Variants in ASB5 observed in about 807,000 individuals in gnomAD.
ASB5 encodes the protein ankyrin repeat and SOCS box containing 5.
A neutral mutation model predicts 42.1 loss-of-function variants in ASB5; 45 were observed. That is an observed-to-expected ratio of 1.07 (90% CI 0.84 to 1.37). The LOEUF is 1.37. Among genes scored for constraint, ASB5 ranks in the 40% most tolerant of loss-of-function variants. The pLI is 0.00. For missense variants in ASB5, 402 were observed against 399.8 expected (o/e 1.01, Z -0.05); for synonymous variants, 147 against 150.6 (o/e 0.98, Z 0.18).
chr4:176,244,572 C>T (rs116833830), intron 1 of ASB5, among the ~76,000 whole-genome samples: 15 of 152,236 alleles, frequency 9.9e-5, no homozygotes, highest in African/African-American at 1.9e-4. Context: ...TTTTATCCTA[C>T]GACCAAGTGA....
intron 1 of ASB5, among the ~76,000 whole-genome samples, chr4:176,265,757 G>A (rs1357455067): frequency 6.6e-6 from 1 of 152,088 alleles, no homozygotes; most frequent in East Asian, 1.9e-4. Flanking sequence ...TTTCAGTGTA[G>A]CCTTGAAAGC....
intron 1 of ASB5, among the ~76,000 whole-genome samples, chr4:176,242,434 G>A (rs549395368): frequency 6.6e-6 from 1 of 152,258 alleles, no homozygotes; most frequent in African/African-American, 2.4e-5. Context: ...ATACATATTT[G>A]AATTTACAAC....
At chr4:176,236,399 TTTGTTGAA>T (rs1753686093) in intron 1 of ASB5, among the ~76,000 whole-genome samples, 1 of 152,166 alleles carries the variant, frequency 6.6e-6, no homozygotes, top group Admixed American at 6.5e-5. Flanking sequence ...TGGATAGGCA[TTTGTTGAA>T]TTGTTGAATT....
chr4:176,273,627 G>A (rs747577642), upstream of ASB5, among the ~76,000 whole-genome samples: 1 of 152,128 alleles, frequency 6.6e-6, no homozygotes, highest in Non-Finnish European at 1.5e-5. Flanking sequence ...CAGGTTCTTT[G>A]GAGAAAATCA....
intron 4 of ASB5, 41 bp from the exon 5 acceptor site, chr4:176,221,330 C>T: frequency 6.2e-7 from 1 of 1,607,006 alleles, no homozygotes; most frequent in Non-Finnish European, 8.5e-7. Context: ...AATGCCCATC[C>T]ACCCCACACA....
chr4:176,273,157 C>CT (rs529945298), upstream of ASB5, among the ~76,000 whole-genome samples: 39 of 151,920 alleles, frequency 2.6e-4, no homozygotes, highest in Non-Finnish European at 5.0e-4. Flanking sequence ...CTCTAATTGA[C>CT]TTTTTTTATT....
intron 1 of ASB5, among the ~76,000 whole-genome samples, chr4:176,244,792 C>T (rs1257467881): frequency 2.6e-5 from 4 of 152,102 alleles, no homozygotes; most frequent in African/African-American, 9.7e-5. Flanking sequence ...GTGACATGTG[C>T]CTATAACACC....
At chr4:176,235,804 T>A (rs966578477) in intron 1 of ASB5, among the ~76,000 whole-genome samples, 44 of 150,858 alleles carry the variant, frequency 2.9e-4, no homozygotes, top group African/African-American at 1.0e-3. Context: ...TTTTTTTTTT[T>A]ATTTTAAATC....
intron 1 of ASB5, among the ~76,000 whole-genome samples, chr4:176,227,964 A>T (rs1753425163): frequency 6.6e-6 from 1 of 152,130 alleles, no homozygotes; most frequent in African/African-American, 2.4e-5. Flanking sequence ...ATTTCATTTT[A>T]TTCTCGGCAA....
chr4:176,237,205 AC>A lies in ASB5; in HGVS notation c.197-11865del, dbSNP rs1753707662. 7 of 869,224 alleles carry A rather than the reference AC, an allele frequency of 8.1e-6. No homozygotes were observed. In the South Asian group the frequency reaches 2.6e-4, roughly 33 times the overall value. 53.8% of individuals were successfully genotyped at this position (869,224 alleles called of 1,614,324 possible). A position where few individuals can be genotyped will look rare whatever the true frequency, so the allele number is the denominator to read the frequency against. On this transcript the variant is annotated intron_variant, in intron 1 of 6. Coordinates refer to ENST00000296525, the MANE Select transcript of ASB5 (RefSeq NM_080874.4). ...CATTTCAATCCGCATTCTGGAAAGC[AC>A]CCGCAGTTTAAAGTTAGTATTTGCA...
upstream of ASB5, among the ~76,000 whole-genome samples, chr4:176,270,536 TAA>T (rs933072709): frequency 2.0e-5 from 3 of 152,066 alleles, no homozygotes; most frequent in Non-Finnish European, 4.4e-5. Context: ...AAAATAATAA[TAA>T]TAATAATTAG....
chr4:176,252,074 A>G (rs1754049171), intron 1 of ASB5, among the ~76,000 whole-genome samples: 1 of 73,908 alleles, frequency 1.4e-5, no homozygotes, highest in Non-Finnish European at 2.6e-5. Flanking sequence ...TCAAAAAAAA[A>G]AAAAAAAAAG....
chr4:176,241,654 C>T, intron 1 of ASB5: 1 of 1,371,566 alleles, frequency 7.3e-7, no homozygotes, highest in Non-Finnish European at 9.4e-7. Flanking sequence ...GTACCTAAAT[C>T]TGTTGGCCTA....
chr4:176,234,234 G>T (rs979138797), intron 1 of ASB5, among the ~76,000 whole-genome samples: 2 of 148,610 alleles, frequency 1.3e-5, no homozygotes, highest in Non-Finnish European at 3.1e-5. Context: ...AATAAAATCC[G>T]AAGTCTTTGT....
At chr4:176,230,062 T>TA in intron 1 of ASB5, among the ~76,000 whole-genome samples, 1 of 152,218 alleles carries the variant, frequency 6.6e-6, no homozygotes, top group East Asian at 1.9e-4. Flanking sequence ...TAAAGTCATC[T>TA]AACCTCCCTG....
intron 1 of ASB5, among the ~76,000 whole-genome samples, chr4:176,260,306 A>G (rs1191372232): frequency 6.6e-6 from 1 of 152,202 alleles, no homozygotes; most frequent in Non-Finnish European, 1.5e-5. Context: ...TACCTTAAAT[A>G]TGGGATATTA....
chr4:176,241,686 T>C, intron 1 of ASB5: 1 of 1,327,432 alleles, frequency 7.5e-7, no homozygotes, highest in Non-Finnish European at 9.6e-7. Flanking sequence ...TGAGGGCAGA[T>C]GAGGTCTGAG....
In ASB5 at chr4:176,222,299, T is replaced by G. The variant is rs1438623863; in HGVS notation, c.384+14A>C. 6.3e-7 allele frequency: 1 copy of G among 1,585,118 alleles called. No homozygotes were observed. Among genetic ancestry groups the G allele is most frequent in the Non-Finnish European group, 8.7e-7 (1 of 1,153,828 alleles). ...AGTAGATGTTAAATGATTAATGTTT[T>G]GAAAGGTACTTACATTAGCTCCTGC... On this transcript the variant is annotated intron_variant, in intron 3 of 6. Coordinates refer to ENST00000296525, the MANE Select transcript of ASB5 (RefSeq NM_080874.4).
chr4:176,225,131 T>G (rs903085968), intron 2 of ASB5, 131 bp downstream of exon 2: 15 of 632,674 alleles, frequency 2.4e-5, no homozygotes, highest in African/African-American at 3.7e-5. Context: ...TATTGACTTC[T>G]CTGACATGAG....
Sources: gnomAD v4.1 joint callset for allele counts (sites outside exome capture counted in the v4.1 genomes callset) on GRCh38, gnomAD v4.1.1 for gene constraint, MANE v1.5 for transcripts, NCBI Gene and HGNC (gene_info 2026-07-23, HGNC 2026-07-21) for gene names.